CCDC120: variants seen among roughly 807,000 people sequenced by gnomAD.
CCDC120 encodes coiled-coil domain-containing protein 120.
A neutral mutation model predicts 37.6 loss-of-function variants in CCDC120; 16 were observed. The ratio of observed to expected loss-of-function variants is 0.43; its 90% CI spans 0.29 to 0.65. The LOEUF is 0.65. Ranked by LOEUF, CCDC120 falls within the 30% of genes least tolerant of loss-of-function variation. The pLI is 0.18. For missense variants in CCDC120, 650 were observed against 657.4 expected, an observed-to-expected ratio of 0.99 and a Z score of 0.12; for synonymous variants, 309 against 275.4, an observed-to-expected ratio of 1.12 and a Z score of -1.21.
upstream of CCDC120, among the ~76,000 whole-genome samples, chrX:49,056,786 G>GT (rs2064834112): frequency 8.9e-6 from 1 of 111,812 alleles, no homozygotes; most frequent in Non-Finnish European, 1.9e-5. Context: ...GTGTCTGAAT[G>GT]TATCTACTTG....
Position 49,068,415 on chromosome X carries a change from G to A in CCDC120, c.1977-129G>A. The A allele has an allele frequency of 3.8e-6, 4 of 1,044,193 alleles. No homozygotes were observed. The East Asian group carries it at 1.5e-4, about 39-fold the overall frequency. The allele number at this position is 1,044,193 out of a possible 1,213,427, so 86.1% of individuals were successfully genotyped here. A position where few individuals can be genotyped will look rare whatever the true frequency, so the allele number is the denominator to read the frequency against. On this transcript the variant is annotated intron_variant, in intron 10 of 10. Transcript: ENST00000603986. ...TTTCTCCATGCCCCAGAGCCTGAAAGTGCTGTCCTGTGCCTGCCTCCACCT... is the reference window on the plus strand; with the variant it reads ...TTTCTCCATGCCCCAGAGCCTGAAAATGCTGTCCTGTGCCTGCCTCCACCT...
intron 8 of CCDC120, 48 bp from the exon 9 acceptor site, chrX:49,065,699 C>G: frequency 8.4e-7 from 1 of 1,186,121 alleles, no homozygotes; most frequent in Non-Finnish European, 1.1e-6. Flanking sequence ...GGCAGAGGGT[C>G]TGCTGGTGGG....
At chrX:49,058,719 CATT>C (rs1218734035), upstream of CCDC120, among the ~76,000 whole-genome samples, 1 of 112,554 alleles carries the variant, frequency 8.9e-6, no homozygotes, top group Non-Finnish European at 1.9e-5. Flanking sequence ...ATGGGGGTCT[CATT>C]ATGTTGCACA....
chrX:49,060,427 C>CAAAAAAAAAAAAAAAAAAAAAAAAAAA (rs58827125), intron 1 of CCDC120, among the ~76,000 whole-genome samples: 3 of 42,130 alleles, frequency 7.1e-5, no homozygotes, highest in African/African-American at 1.2e-4. Flanking sequence ...GCCCTATCTC[C>CAAAAAAAAAAAAAAAAAAAAAAAAAAA]AAAAAAAAAA....
intron 4 of CCDC120, among the ~76,000 whole-genome samples, chrX:49,063,582 T>C (rs1557080086): frequency 9.0e-6 from 1 of 110,620 alleles, no homozygotes; most frequent in Admixed American, 9.6e-5. Flanking sequence ...TATATAATAC[T>C]TAGGATCTCG....
chrX:49,062,630 C>T lies in CCDC120; in HGVS notation c.288+29C>T, dbSNP rs782799136. 1.5e-5 allele frequency: 18 copies of T among 1,191,740 alleles called. No individual in the cohort carries two copies. In the East Asian group the frequency reaches 1.8e-4, roughly 12 times the overall value. Reference sequence around the variant, plus strand: ...AGGGCCTGGCCCTAGGGGTATCAGGCGGGGAGGTTGGGAGGAGGTGAGGAG... The same window carrying T: ...AGGGCCTGGCCCTAGGGGTATCAGGTGGGGAGGTTGGGAGGAGGTGAGGAG... On this transcript the variant is annotated intron_variant, in intron 4 of 10. Coordinates refer to ENST00000603986, the MANE Select transcript of CCDC120 (RefSeq NM_001163321.4).
chrX:49,053,893 C>T (rs1336973653), intron 1 of CCDC120: 1 of 112,939 alleles, frequency 8.9e-6, no homozygotes, highest in Non-Finnish European at 1.9e-5. Context: ...TAACCAGCCC[C>T]GCCTGCGGAG....
intron 7 of CCDC120, 55 bp from the exon 8 acceptor site, chrX:49,065,399 G>GC: frequency 9.0e-7 from 1 of 1,108,352 alleles, no homozygotes; most frequent in East Asian, 3.1e-5. Context: ...AGCCTGTCCT[G>GC]CCCCCTCTGG....
rs2064973176 is a variant in CCDC120 at position 49,067,632 on chromosome X, C to T, written c.1518C>T (p.Val506=). ...GWGELPPAAE[V]PGPLSRRDGL... The stretch of plus-strand genomic sequence containing the variant: ...GGGAGCTGCCGCCTGCAGCTGAGGT[C>T]CCAGGACCCCTCTCCCGCCGGGATG... The change falls in exon 10 of 11, where the codon GTC becomes GTT. Residue 506 remains valine, a synonymous_variant. Transcript: ENST00000603986. 2 of 1,194,519 alleles carry T rather than the reference C, an allele frequency of 1.7e-6. No homozygotes were observed. Among genetic ancestry groups the T allele is most frequent in the Non-Finnish European group, 2.3e-6 (2 of 885,764 alleles).
At chrX:49,066,974 C>G in intron 9 of CCDC120, 3 of 427,612 alleles carry the variant, frequency 7.0e-6, no homozygotes, top group Non-Finnish European at 8.2e-6. Flanking sequence ...CATTTCTACC[C>G]CTGACCGCCT....
rs142325426 is a variant in CCDC120 at position 49,061,837 on chromosome X, C to T, written c.-83-122C>T. 6.7e-3 allele frequency: 4,837 copies of T among 721,891 alleles called. 12 individuals are homozygous for T. The highest frequency in any genetic ancestry group is 8.0e-3 in the Non-Finnish European group (4,104 of 512,618). 59.5% of individuals were successfully genotyped at this position (721,891 alleles called of 1,213,427 possible). ...CTCTAAAATGGGGATACGAATCTTT[C>T]CGGGTGGCTCTGAAGATTGAGTGTG... On this transcript the variant is annotated intron_variant, in intron 1 of 10. Coordinates refer to ENST00000603986, the MANE Select transcript of CCDC120 (RefSeq NM_001163321.4).
At chrX:49,060,808 A>T (rs1557079307) in intron 1 of CCDC120, among the ~76,000 whole-genome samples, 1 of 112,140 alleles carries the variant, frequency 8.9e-6, no homozygotes, top group African/African-American at 3.2e-5. Context: ...GCAGAGAAAC[A>T]TGACACCTTA....
chrX:49,068,736 G>A lies in CCDC120; in HGVS notation c.*78G>A. 4 of 965,603 alleles carry A rather than the reference G, an allele frequency of 4.1e-6. No homozygotes were observed. The highest frequency in any genetic ancestry group is 4.0e-6 in the Non-Finnish European group (3 of 750,731). The allele number at this position is 965,603 out of a possible 1,213,427, so 79.6% of individuals were successfully genotyped here. On this transcript the variant is annotated 3_prime_UTR_variant, in exon 11 of 11. Coordinates refer to ENST00000603986, the MANE Select transcript of CCDC120 (RefSeq NM_001163321.4). ...ACACAGCTGACCTCGCTGGGCCCTGGGGTGTGGTTGCTCTCAGTCCTGAGC... is the reference window on the plus strand; with the variant it reads ...ACACAGCTGACCTCGCTGGGCCCTGAGGTGTGGTTGCTCTCAGTCCTGAGC...
Position 49,068,570 on chromosome X carries a change from C to A in CCDC120, c.2003C>A (p.Pro668Gln). ...TACTACGCGGACTTCCTGTATCCCC[C>A]GGAGCTGAGCGCTCGTTTAAGTGAC... Reference protein sequence around the residue: ...GRYYADFLYPPELSARLSDLT... With the variant: ...GRYYADFLYPQELSARLSDLT... Residue 668 changes from proline to glutamine, a missense_variant, in exon 11 of 11, where the codon CCG (proline) becomes CAG (glutamine). This residue lies in a region of CCDC120 where 576 missense variants were observed against 565.3 expected (regional missense o/e 1.02). Transcript: ENST00000603986. 2 of 1,153,297 alleles carry A rather than the reference C, an allele frequency of 1.7e-6. No individual in the cohort carries two copies. Among genetic ancestry groups the A allele is most frequent in the South Asian group, 2.0e-5 (1 of 50,283 alleles).
intron 6 of CCDC120, 132 bp downstream of exon 6, chrX:49,064,796 T>A (rs73495836): frequency 1.2e-6 from 1 of 846,323 alleles, no homozygotes; most frequent in Non-Finnish European, 1.6e-6. Context: ...AGAAGAGTTG[T>A]GACAAACTGG....
At chrX:49,065,943 C>T in intron 9 of CCDC120, 98 bp downstream of exon 9, 2 of 848,998 alleles carry the variant, frequency 2.4e-6, no homozygotes, top group Non-Finnish European at 3.3e-6. Flanking sequence ...GGTGGGATGG[C>T]TGGGCGCGGT....
Position 49,067,908 on chromosome X carries a change from C to T in CCDC120, c.1794C>T (p.Tyr598=). ...CTCTGGAGGGGCTGCGGGACTGGTACATCCGGAACTCGGGACTGGCTGCGG... is the reference window on the plus strand; with the variant it reads ...CTCTGGAGGGGCTGCGGGACTGGTATATCCGGAACTCGGGACTGGCTGCGG... ...NLALEGLRDW[Y]IRNSGLAAGP... Residue 598 remains tyrosine (Y), a synonymous_variant, in exon 10 of 11, where the codon TAC becomes TAT. Coordinates refer to ENST00000603986, the MANE Select transcript of CCDC120 (RefSeq NM_001163321.4). The T allele has an allele frequency of 8.6e-7, 1 of 1,160,725 alleles. No individual in the cohort carries two copies. The highest frequency in any genetic ancestry group is 1.2e-6 in the Non-Finnish European group (1 of 867,359).
At chrX:49,055,815 C>T (rs1349040008), upstream of CCDC120, among the ~76,000 whole-genome samples, 1 of 112,241 alleles carries the variant, frequency 8.9e-6, no homozygotes, top group Non-Finnish European at 1.9e-5. Flanking sequence ...AAGCATTCCT[C>T]ACTTTCCCAA....
intron 1 of CCDC120, among the ~76,000 whole-genome samples, chrX:49,060,134 G>T (rs1376652396): frequency 8.9e-6 from 1 of 111,936 alleles, no homozygotes; most frequent in Non-Finnish European, 1.9e-5. Flanking sequence ...AATTAGAGAA[G>T]AAAGGATTGG....
Sources: gnomAD v4.1 joint callset for allele counts (sites outside exome capture counted in the v4.1 genomes callset) on GRCh38, gnomAD v4.1.1 for gene constraint, gnomAD v4.1.1 regional missense constraint, MANE v1.5 for transcripts, NCBI Gene and HGNC (gene_info 2026-07-23, HGNC 2026-07-21) for gene names.